Variants in RNF175 observed in about 807,000 individuals in gnomAD.
RNF175 encodes ring finger protein 175.
In RNF175, 38 loss-of-function variants were observed where a neutral mutation model predicts 50.0. That is an observed-to-expected ratio of 0.76 (90% CI 0.59 to 1.00). The LOEUF is 1.00. Ranked by LOEUF, RNF175 falls within the 50% of genes least tolerant of loss-of-function variation. The probability of loss-of-function intolerance (pLI) is 0.00; values close to 1 mark genes in which losing one functional copy is unlikely to be tolerated. For synonymous variants in RNF175, 155 were observed against 146.1 expected (o/e 1.06, Z -0.44); for missense variants, 388 against 409.6 (o/e 0.95, Z 0.46).
chr4:153,731,665 A>AAGAG (rs200079370), intron 3 of RNF175, among the ~76,000 whole-genome samples: 25,043 of 147,956 alleles, frequency 0.17, 2,723 homozygotes, highest in Non-Finnish European at 0.25. Context: ...AAGAGAAAGA[A>AAGAG]AGAGAGAGAG....
intron 2 of RNF175, among the ~76,000 whole-genome samples, chr4:153,749,090 T>C (rs748091595): frequency 6.6e-5 from 10 of 152,184 alleles, no homozygotes; most frequent in Non-Finnish European, 1.2e-4. Flanking sequence ...AGTTAAGTGA[T>C]GGGGCTAAAA....
chr4:153,746,430 T>G, intron 3 of RNF175, among the ~76,000 whole-genome samples: 1 of 152,182 alleles, frequency 6.6e-6, no homozygotes, highest in Non-Finnish European at 1.5e-5. Context: ...TAGAATCTCA[T>G]GTCCGTAGCT....
intron 1 of RNF175, among the ~76,000 whole-genome samples, chr4:153,752,864 G>T (rs1167811112): frequency 6.6e-6 from 1 of 151,936 alleles, no homozygotes; most frequent in Non-Finnish European, 1.5e-5. Flanking sequence ...AGAAATTCAC[G>T]AATTGAGATA....
intron 1 of RNF175, among the ~76,000 whole-genome samples, chr4:153,754,093 C>T (rs892227853): frequency 6.6e-6 from 1 of 151,252 alleles, no homozygotes; most frequent in Non-Finnish European, 1.5e-5. Flanking sequence ...TGGTGTGAAC[C>T]CGGGAGGTGG....
At chr4:153,736,639 T>TTG (rs1211242677) in intron 3 of RNF175, among the ~76,000 whole-genome samples, 1 of 152,216 alleles carries the variant, frequency 6.6e-6, no homozygotes, top group Admixed American at 6.5e-5. Context: ...CAACCTGGGC[T>TTG]TGGTGCTTTC....
chr4:153,755,669 C>A lies in RNF175; in HGVS notation c.66+4128G>T, dbSNP rs200148107. On this transcript the variant is annotated intron_variant, in intron 1 of 8. Coordinates refer to ENST00000347063, the MANE Select transcript of RNF175 (RefSeq NM_173662.4). ...AATCTCCTCACATCCCCCACCCCCGCAAAAAAAATGAGTTCTAGAACCAGA... is the reference window on the plus strand; with the variant it reads ...AATCTCCTCACATCCCCCACCCCCGAAAAAAAAATGAGTTCTAGAACCAGA... Among the ~76,000 whole-genome samples the A allele has an allele frequency of 2.2e-4, 33 of 146,940 alleles. No individual in the cohort carries two copies. In the East Asian group the frequency reaches 4.1e-3, roughly 18 times the overall value.
chr4:153,754,895 C>A lies in RNF175; in HGVS notation c.67-3420G>T, dbSNP rs578188775. Reference sequence around the variant, plus strand: ...TGGAGGGAGCATGACCCTGTTGACACCTAGATTTTGAACTCCTGGCCTCCA... The same window carrying A: ...TGGAGGGAGCATGACCCTGTTGACAACTAGATTTTGAACTCCTGGCCTCCA... On this transcript the variant is annotated intron_variant, in intron 1 of 8. Transcript: ENST00000347063. Among the ~76,000 whole-genome samples the A allele has an allele frequency of 2.6e-5, 4 of 152,304 alleles. No homozygotes were observed. In the South Asian group the frequency reaches 8.3e-4, roughly 32 times the overall value.
intron 8 of RNF175, among the ~76,000 whole-genome samples, chr4:153,711,438 C>T (rs924366059): frequency 6.6e-6 from 1 of 152,134 alleles, no homozygotes; most frequent in Admixed American, 6.5e-5. Context: ...GCCTCCTTCT[C>T]TGATGCCCTC....
At chr4:153,730,482 A>G (rs1014666775) in intron 3 of RNF175, among the ~76,000 whole-genome samples, 2 of 152,118 alleles carry the variant, frequency 1.3e-5, no homozygotes, top group African/African-American at 2.4e-5. Context: ...CATATTGGTC[A>G]TTTATTTTCT....
intron 6 of RNF175, among the ~76,000 whole-genome samples, chr4:153,716,063 C>CA (rs35531787): frequency 0.061 from 5,718 of 93,736 alleles, 307 homozygotes; most frequent in East Asian, 0.22. Flanking sequence ...GACTCTGTCT[C>CA]AAAAAAAAAA....
chr4:153,723,914 T>C (rs1373624239), intron 4 of RNF175, among the ~76,000 whole-genome samples: 2 of 152,170 alleles, frequency 1.3e-5, no homozygotes, highest in African/African-American at 4.8e-5. Context: ...CCTCTTGTTC[T>C]GTTGCCCCTT....
intron 3 of RNF175, among the ~76,000 whole-genome samples, chr4:153,732,257 CA>C (rs1401940644): frequency 6.6e-6 from 1 of 151,010 alleles, no homozygotes; most frequent in Non-Finnish European, 1.5e-5. Flanking sequence ...AAACAAAAAA[CA>C]AAAAACAAAG....
chr4:153,730,469 C>T (rs2127127217), intron 3 of RNF175, among the ~76,000 whole-genome samples: 1 of 151,820 alleles, frequency 6.6e-6, no homozygotes. Flanking sequence ...AAAATCTTAT[C>T]AGCATATTGG....
At chr4:153,757,709 G>A (rs1287168462) in intron 1 of RNF175, among the ~76,000 whole-genome samples, 1 of 151,892 alleles carries the variant, frequency 6.6e-6, no homozygotes, top group African/African-American at 2.4e-5. Context: ...AGCCTGGAAA[G>A]CAAGCCTTAG....
In RNF175 at chr4:153,720,220, G is replaced by T; in HGVS notation, c.594C>A (p.Ala198=). 7 of 1,613,666 alleles carry T rather than the reference G, an allele frequency of 4.3e-6. No homozygotes were observed. The highest frequency in any genetic ancestry group is 5.9e-6 in the Non-Finnish European group (7 of 1,179,688). Residue 198 remains alanine, a synonymous_variant, in exon 6 of 9, where the codon GCC becomes GCA. Transcript: ENST00000347063. The stretch of plus-strand genomic sequence containing the variant: ...AAGCCATGTAGTCTGAGCAGATCTC[G>T]GCAAAGTCTCTCCCCATTACTCCAT... The part of the protein sequence containing the change: ...LYYGVMGRDF[A]EICSDYMAST...
chr4:153,755,152 T>C (rs1223603713), intron 1 of RNF175, among the ~76,000 whole-genome samples: 1 of 152,262 alleles, frequency 6.6e-6, no homozygotes, highest in African/African-American at 2.4e-5. Context: ...AGGGCCTCCA[T>C]TTGTGCTCTT....
chr4:153,713,653 A>G (rs1335067079), intron 7 of RNF175: 1 of 152,228 alleles, frequency 6.6e-6, no homozygotes, highest in Non-Finnish European at 1.5e-5. Context: ...GAGGTGTAGC[A>G]AGTCAAGGCC....
intron 7 of RNF175, chr4:153,715,280 T>G: frequency 1.9e-6 from 1 of 526,184 alleles, no homozygotes; most frequent in Non-Finnish European, 3.5e-6. Context: ...AGATACTGCC[T>G]TCCTGTCTAT....
chr4:153,734,983 C>T (rs528675526), intron 3 of RNF175, among the ~76,000 whole-genome samples: 15 of 152,088 alleles, frequency 9.9e-5, no homozygotes, highest in African/African-American at 3.1e-4. Context: ...GCCTCATTCT[C>T]TTAACAGTAT....
Sources: gnomAD v4.1 joint callset for allele counts (sites outside exome capture counted in the v4.1 genomes callset) on GRCh38, gnomAD v4.1.1 for gene constraint, MANE v1.5 for transcripts, NCBI Gene and HGNC (gene_info 2026-07-23, HGNC 2026-07-21) for gene names.